Variants in UBTD2 observed in about 807,000 individuals in gnomAD.
UBTD2 encodes the protein ubiquitin domain-containing protein 2.
A neutral mutation model predicts 19.8 loss-of-function variants in UBTD2; 9 were observed. The ratio of observed to expected loss-of-function variants is 0.46; its 90% CI spans 0.27 to 0.79. The LOEUF is 0.79. Ranked by LOEUF, UBTD2 falls within the 30% of genes least tolerant of loss-of-function variation. UBTD2 has a pLI of 0.14. For missense variants in UBTD2, 250 were observed against 300.4 expected, an observed-to-expected ratio of 0.83 and a Z score of 1.24; for synonymous variants, 98 against 103.9, an observed-to-expected ratio of 0.94 and a Z score of 0.35.
chr5:172,277,001 G>T (rs371801520), intron 1 of UBTD2, among the ~76,000 whole-genome samples: 1 of 146,120 alleles, frequency 6.8e-6, no homozygotes, highest in African/African-American at 2.5e-5. Flanking sequence ...CCTGGGAGGC[G>T]GAGATTGCAG....
chr5:172,247,589 CA>C (rs1240231820), intron 1 of UBTD2, among the ~76,000 whole-genome samples: 7 of 152,088 alleles, frequency 4.6e-5, no homozygotes, highest in Non-Finnish European at 8.8e-5. Context: ...GACTTTAAGA[CA>C]AACATTTTTA....
At chr5:172,244,116 G>A (rs1371483966) in intron 1 of UBTD2, among the ~76,000 whole-genome samples, 1 of 152,026 alleles carries the variant, frequency 6.6e-6, no homozygotes, top group Non-Finnish European at 1.5e-5. Context: ...CAAGCTGATT[G>A]GGGGCATTCT....
rs576026965 is a variant in UBTD2 at position 172,218,819 on chromosome 5, A to T, written c.308-6592T>A. Among the ~76,000 whole-genome samples, 249 of 123,762 alleles carry T rather than the reference A, an allele frequency of 2.0e-3. 1 individual carries two copies. Among genetic ancestry groups the T allele is most frequent in the African/African-American group, 6.3e-3 (218 of 34,436 alleles). 81.2% of individuals were successfully genotyped at this position (123,762 alleles called of 152,430 possible). On this transcript the variant is annotated intron_variant, in intron 2 of 2. Transcript: ENST00000393792. ...AAAATAAAAAAAAAAATAAAAAATA[A>T]AAATAAAAAAAATTCAACAAAACCA...
intron 1 of UBTD2, among the ~76,000 whole-genome samples, chr5:172,276,622 G>A (rs1377210276): frequency 2.0e-5 from 3 of 152,048 alleles, no homozygotes; most frequent in Non-Finnish European, 4.4e-5. Flanking sequence ...TTCTGACCCC[G>A]TAATGTGGGC....
At chr5:172,280,482 C>G (rs1319116229) in intron 1 of UBTD2, among the ~76,000 whole-genome samples, 4 of 147,942 alleles carry the variant, frequency 2.7e-5, no homozygotes, top group Non-Finnish European at 4.4e-5. Context: ...TGTACCGCAG[C>G]CTGGGCGACA....
At chr5:172,267,614 T>C (rs1465313266) in intron 1 of UBTD2, among the ~76,000 whole-genome samples, 1 of 152,242 alleles carries the variant, frequency 6.6e-6, no homozygotes, top group Non-Finnish European at 1.5e-5. Context: ...GTTTAACTTC[T>C]GAGTACAGCT....
chr5:172,247,917 T>C (rs1581223043), intron 1 of UBTD2, among the ~76,000 whole-genome samples: 1 of 152,186 alleles, frequency 6.6e-6, no homozygotes, highest in East Asian at 1.9e-4. Flanking sequence ...CAGGATAGAC[T>C]ATATGTTAGA....
intron 1 of UBTD2, among the ~76,000 whole-genome samples, chr5:172,274,729 G>A (rs375198128): frequency 1.3e-5 from 2 of 152,064 alleles, no homozygotes; most frequent in African/African-American, 2.4e-5. Flanking sequence ...GTATTAGTCC[G>A]TTCTCATGCT....
intron 1 of UBTD2, among the ~76,000 whole-genome samples, chr5:172,271,868 A>G (rs1273804059): frequency 6.6e-6 from 1 of 152,166 alleles, no homozygotes; most frequent in Non-Finnish European, 1.5e-5. Context: ...GCTTATACCT[A>G]AAAGCCCACT....
intron 1 of UBTD2, among the ~76,000 whole-genome samples, chr5:172,235,219 T>C (rs6871800): frequency 0.3 from 45,674 of 151,980 alleles, 6,985 homozygotes; most frequent in South Asian, 0.42. Context: ...GCAAGATACT[T>C]GGGGAAGCAA....
At chr5:172,242,176 T>C (rs949339580) in intron 1 of UBTD2, among the ~76,000 whole-genome samples, 1 of 149,404 alleles carries the variant, frequency 6.7e-6, no homozygotes, top group African/African-American at 2.4e-5. Flanking sequence ...GCCAGTGCCA[T>C]GCTTCCTGTA....
intron 2 of UBTD2, among the ~76,000 whole-genome samples, chr5:172,212,668 C>A (rs190145651): frequency 6.6e-6 from 1 of 152,086 alleles, no homozygotes; most frequent in African/African-American, 2.4e-5. Context: ...TTCTTTTATT[C>A]TTTTTCTTTT....
intron 2 of UBTD2, among the ~76,000 whole-genome samples, chr5:172,222,502 C>T (rs561656475): frequency 6.6e-6 from 1 of 152,302 alleles, no homozygotes; most frequent in South Asian, 2.1e-4. Flanking sequence ...GCAGATACAG[C>T]ATACCCATCA....
chr5:172,267,063 T>C (rs978350588), intron 1 of UBTD2, among the ~76,000 whole-genome samples: 1 of 144,416 alleles, frequency 6.9e-6, no homozygotes, highest in Non-Finnish European at 1.5e-5. Context: ...AAAAAAAAGT[T>C]TTTTCCTAGA....
chr5:172,248,587 A>T (rs983286683), intron 1 of UBTD2, among the ~76,000 whole-genome samples: 1 of 135,232 alleles, frequency 7.4e-6, no homozygotes. Context: ...GACTCCGTCT[A>T]AAAAAAAAAA....
intron 1 of UBTD2, among the ~76,000 whole-genome samples, chr5:172,281,003 A>G (rs1346644342): frequency 6.6e-6 from 1 of 152,244 alleles, no homozygotes; most frequent in African/African-American, 2.4e-5. Context: ...AGGCTGGCTG[A>G]TATTTAGAAA....
At chr5:172,243,017 AGGGTCTC>A (rs1254914512) in intron 1 of UBTD2, among the ~76,000 whole-genome samples, 2 of 152,082 alleles carry the variant, frequency 1.3e-5, no homozygotes, top group Non-Finnish European at 2.9e-5. Flanking sequence ...TTGTAGAGAC[AGGGTCTC>A]ACTACGTTAC....
chr5:172,281,557 T>C (rs1262026931), intron 1 of UBTD2, among the ~76,000 whole-genome samples: 1 of 152,138 alleles, frequency 6.6e-6, no homozygotes, highest in Non-Finnish European at 1.5e-5. Context: ...CACAGTATGT[T>C]TGAAAAGCTA....
At chr5:172,228,813 G>A (rs189212458) in intron 2 of UBTD2, among the ~76,000 whole-genome samples, 237 of 151,900 alleles carry the variant, frequency 1.6e-3, no homozygotes, top group African/African-American at 4.8e-3. Flanking sequence ...CTTTTCATAC[G>A]TTGGTTCCTT....
Sources: gnomAD v4.1 joint callset for allele counts (sites outside exome capture counted in the v4.1 genomes callset) on GRCh38, gnomAD v4.1.1 for gene constraint, MANE v1.5 for transcripts, NCBI Gene and HGNC (gene_info 2026-07-23, HGNC 2026-07-21) for gene names.